FRK: variants seen among roughly 807,000 people sequenced by gnomAD.
FRK encodes tyrosine-protein kinase FRK.
Under a neutral mutation model 56.4 loss-of-function variants are expected in FRK, and 51 were observed. The ratio of observed to expected loss-of-function variants is 0.90; its 90% confidence interval spans 0.72 to 1.14. The LOEUF is 1.14. Ranked by LOEUF, FRK falls within the 50% of genes most tolerant of loss-of-function variation. FRK has a pLI of 0.00. For missense variants in FRK, 570 were observed against 601.4 expected, an observed-to-expected ratio of 0.95 and a Z score of 0.55; for synonymous variants, 245 against 217.9, an observed-to-expected ratio of 1.12 and a Z score of -1.10.
chr6:116,058,778 G>A (rs1777495720), intron 1 of FRK, among the ~76,000 whole-genome samples: 1 of 152,058 alleles, frequency 6.6e-6, no homozygotes, highest in South Asian at 2.1e-4. Context: ...GGGCGTGGTG[G>A]CAGGCGCCTG....
In FRK at chr6:115,950,734, G is replaced by T. The variant is rs966596136; in HGVS notation, c.958+5718C>A. Among the ~76,000 whole-genome samples the T allele has an allele frequency of 4.6e-5, 7 of 152,296 alleles. No individual in the cohort carries two copies. In the South Asian group the frequency reaches 1.4e-3, roughly 32 times the overall value. ...CACATGCACATGCATGTTTATTGTG[G>T]CACTATTCACAATAGCAAAGACTTG... On this transcript the variant is annotated intron_variant, in intron 5 of 7. Coordinates refer to ENST00000606080, the MANE Select transcript of FRK (RefSeq NM_002031.3).
At chr6:116,000,506 G>A (rs1277884156) in intron 2 of FRK, among the ~76,000 whole-genome samples, 1 of 151,894 alleles carries the variant, frequency 6.6e-6, no homozygotes, top group Admixed American at 6.6e-5. Flanking sequence ...GCCTCCCAAA[G>A]TGCTGGGATT....
At chr6:116,038,753 G>T in intron 1 of FRK, 2 of 484,366 alleles carry the variant, frequency 4.1e-6, no homozygotes, top group East Asian at 5.7e-5. Context: ...CAGCTCCAGC[G>T]CCATGGCGAC....
At chr6:115,959,074 C>A (rs1444122566) in intron 4 of FRK, among the ~76,000 whole-genome samples, 1 of 152,124 alleles carries the variant, frequency 6.6e-6, no homozygotes, top group Non-Finnish European at 1.5e-5. Flanking sequence ...AAAGGAAACC[C>A]AATCTCAACT....
chr6:116,040,575 G>A (rs555733627), intron 1 of FRK, among the ~76,000 whole-genome samples: 58 of 151,960 alleles, frequency 3.8e-4, no homozygotes, highest in African/African-American at 1.4e-3. Flanking sequence ...AATTGCACCC[G>A]TTATTATACA....
intron 5 of FRK, among the ~76,000 whole-genome samples, chr6:115,950,647 G>A (rs563726200): frequency 4.3e-4 from 65 of 152,314 alleles, no homozygotes; most frequent in African/African-American, 1.5e-3. Flanking sequence ...AATACCATTT[G>A]ACCCAGCAAT....
At chr6:115,987,751 T>C (rs1177043394) in intron 2 of FRK, among the ~76,000 whole-genome samples, 1 of 152,082 alleles carries the variant, frequency 6.6e-6, no homozygotes, top group Non-Finnish European at 1.5e-5. Flanking sequence ...TTAGTAGGCA[T>C]TAAATAAATA....
chr6:115,958,401 C>T lies in FRK; in HGVS notation c.800-1791G>A, dbSNP rs1033076819. ...CAGAACTTTGGGAGGCCAAGGCAGGCGGATAACTTGAGGTCAGGAGTTAAG... is the reference window on the plus strand; with the variant it reads ...CAGAACTTTGGGAGGCCAAGGCAGGTGGATAACTTGAGGTCAGGAGTTAAG... On this transcript the variant is annotated intron_variant, in intron 4 of 7. Coordinates refer to ENST00000606080, the MANE Select transcript of FRK (RefSeq NM_002031.3). Among the ~76,000 whole-genome samples, 12 of 151,942 alleles carry T rather than the reference C, an allele frequency of 7.9e-5. No individual in the cohort carries two copies. In the Middle Eastern group the frequency reaches 0.017, roughly 217 times the overall value.
chr6:115,968,538 A>T, intron 3 of FRK, 38 bp downstream of exon 3: 1 of 1,583,540 alleles, frequency 6.3e-7, no homozygotes, highest in Non-Finnish European at 8.6e-7. Flanking sequence ...GAAAAAAGTT[A>T]ACTTCAATAA....
chr6:115,953,917 A>G (rs1016682854), intron 5 of FRK, among the ~76,000 whole-genome samples: 5 of 152,236 alleles, frequency 3.3e-5, no homozygotes, highest in Non-Finnish European at 7.3e-5. Flanking sequence ...TTATATTCAG[A>G]GGATACTAAA....
intron 1 of FRK, among the ~76,000 whole-genome samples, chr6:116,032,782 G>A (rs1270321506): frequency 6.6e-6 from 1 of 152,070 alleles, no homozygotes; most frequent in African/African-American, 2.4e-5. Flanking sequence ...TAGCACCGCA[G>A]AATTGATTCA....
chr6:115,950,032 C>T (rs1772659401), intron 5 of FRK, among the ~76,000 whole-genome samples: 2 of 152,142 alleles, frequency 1.3e-5, no homozygotes, highest in Non-Finnish European at 2.9e-5. Context: ...AAAATTAACT[C>T]AAGACGGATT....
chr6:115,954,183 G>A (rs1443441862), intron 5 of FRK, among the ~76,000 whole-genome samples: 1 of 152,186 alleles, frequency 6.6e-6, no homozygotes, highest in Non-Finnish European at 1.5e-5. Context: ...TGAGGCAAAA[G>A]CATGCCTGGA....
At chr6:115,981,566 A>G (rs1356857218) in intron 2 of FRK, among the ~76,000 whole-genome samples, 6 of 152,046 alleles carry the variant, frequency 3.9e-5, no homozygotes, top group South Asian at 4.2e-4. Flanking sequence ...AACTCTCCTA[A>G]AACTCTCAAA....
In FRK at chr6:116,060,481, G is replaced by C. The variant is rs1582772424; in HGVS notation, c.-170C>G. The stretch of plus-strand genomic sequence containing the variant: ...CAGTCCAGCAGCTGGGTTGCAGCAA[G>C]TCCTACCTGGAGAGACTTACCGGCT... On this transcript the variant is annotated 5_prime_UTR_variant, in exon 1 of 8. Coordinates refer to ENST00000606080, the MANE Select transcript of FRK (RefSeq NM_002031.3). The C allele has an allele frequency of 5.0e-6, 3 of 604,402 alleles. No individual in the cohort carries two copies. The East Asian group carries it at 8.3e-5, about 17-fold the overall frequency. 37.4% of individuals were successfully genotyped at this position (604,402 alleles called of 1,614,324 possible). A position where few individuals can be genotyped will look rare whatever the true frequency, so the allele number is the denominator to read the frequency against.
At chr6:116,002,326 G>A (rs1775093502) in intron 2 of FRK, among the ~76,000 whole-genome samples, 1 of 152,124 alleles carries the variant, frequency 6.6e-6, no homozygotes, top group South Asian at 2.1e-4. Flanking sequence ...CAACATTTAA[G>A]GTAAGTGACA....
upstream of FRK, among the ~76,000 whole-genome samples, chr6:116,063,115 C>A (rs1294091191): frequency 1.3e-5 from 2 of 151,986 alleles, no homozygotes; most frequent in African/African-American, 4.8e-5. Context: ...CTAGTCATTA[C>A]TAGTAAGAGT....
chr6:116,044,932 C>A (rs1310305650), intron 1 of FRK, among the ~76,000 whole-genome samples: 1 of 152,108 alleles, frequency 6.6e-6, no homozygotes, highest in African/African-American at 2.4e-5. Context: ...TTCCTATACA[C>A]CAATAACAGA....
intron 5 of FRK, among the ~76,000 whole-genome samples, chr6:115,955,169 T>C (rs1042609114): frequency 1.3e-5 from 2 of 151,760 alleles, no homozygotes; most frequent in East Asian, 3.9e-4. Flanking sequence ...CTCCAAGATA[T>C]TGAAGGGTCT....
Sources: gnomAD v4.1 joint callset for allele counts (sites outside exome capture counted in the v4.1 genomes callset) on GRCh38, gnomAD v4.1.1 for gene constraint, MANE v1.5 for transcripts, NCBI Gene and HGNC (gene_info 2026-07-23, HGNC 2026-07-21) for gene names.